SAMD3: variants seen among roughly 807,000 people sequenced by gnomAD.
SAMD3 encodes the protein sterile alpha motif domain-containing protein 3.
Under a neutral mutation model 58.5 loss-of-function variants are expected in SAMD3, and 63 were observed. The ratio of observed to expected loss-of-function variants is 1.08; its 90% CI spans 0.88 to 1.33. The LOEUF (loss-of-function observed/expected upper bound fraction) is 1.33, where lower values mean the gene tolerates loss of function less well. Ranked by LOEUF, SAMD3 falls within the 40% of genes most tolerant of loss-of-function variation. SAMD3 has a pLI of 0.00. For missense variants in SAMD3, 604 were observed against 608.4 expected (o/e 0.99, Z 0.08); for synonymous variants, 220 against 210.3 (o/e 1.05, Z -0.40).
chr6:130,266,446 CA>C (rs754536554), intron 2 of SAMD3, among the ~76,000 whole-genome samples: 4 of 152,124 alleles, frequency 2.6e-5, no homozygotes, highest in Non-Finnish European at 5.9e-5. Flanking sequence ...AAGCCTCAAT[CA>C]TTAGACAATA....
intron 2 of SAMD3, among the ~76,000 whole-genome samples, chr6:130,304,804 T>C (rs1775860919): frequency 6.6e-6 from 1 of 152,148 alleles, no homozygotes; most frequent in Non-Finnish European, 1.5e-5. Flanking sequence ...CGTATCACTC[T>C]ACTTATTTAG....
At chr6:130,214,607 G>T in intron 3 of SAMD3, 81 bp from the exon 4 acceptor site, 1 of 939,652 alleles carries the variant, frequency 1.1e-6, no homozygotes, top group Non-Finnish European at 1.5e-6. Context: ...ATTACCTCTA[G>T]TGATAAAAGG....
intron 1 of SAMD3, among the ~76,000 whole-genome samples, chr6:130,338,129 C>T (rs1777157919): frequency 6.6e-6 from 1 of 152,192 alleles, no homozygotes; most frequent in Non-Finnish European, 1.5e-5. Context: ...ACTTGGTGCC[C>T]TGCGTTCCAG....
intron 2 of SAMD3, among the ~76,000 whole-genome samples, chr6:130,275,939 G>T (rs1479967407): frequency 2.6e-5 from 4 of 152,110 alleles, no homozygotes; most frequent in African/African-American, 9.6e-5. Flanking sequence ...CTAATACCTA[G>T]AATCTATGAA....
At chr6:130,341,316 A>C (rs889374305) in intron 1 of SAMD3, among the ~76,000 whole-genome samples, 1 of 152,202 alleles carries the variant, frequency 6.6e-6, no homozygotes, top group African/African-American at 2.4e-5. Flanking sequence ...AACTTTAATG[A>C]CTTTTAGAAT....
At chr6:130,215,732 G>A in intron 2 of SAMD3, 2 of 1,487,498 alleles carry the variant, frequency 1.3e-6, no homozygotes, top group African/African-American at 1.4e-5. Context: ...AAGGGAGGAA[G>A]GATCAGATAA....
chr6:130,144,278 G>A (rs1327368814), downstream of SAMD3: 5 of 485,426 alleles, frequency 1.0e-5, no homozygotes, highest in Non-Finnish European at 1.8e-5. Flanking sequence ...TAACTTAACT[G>A]CGGAATTTCT....
At chr6:130,251,585 T>A (rs1056441180) in intron 2 of SAMD3, among the ~76,000 whole-genome samples, 8 of 152,184 alleles carry the variant, frequency 5.3e-5, no homozygotes, top group African/African-American at 1.7e-4. Flanking sequence ...AATTTCATTC[T>A]TTAGCATTGG....
Position 130,198,232 on chromosome 6 carries a change from CTCTG to C in SAMD3, c.383+11259_383+11262del, listed in dbSNP as rs1341071002. Among the ~76,000 whole-genome samples, 13 of 152,170 alleles carry C rather than the reference CTCTG, an allele frequency of 8.5e-5. No homozygotes were observed. The East Asian group carries it at 9.6e-4, about 11-fold the overall frequency. On this transcript the variant is annotated intron_variant, in intron 5 of 11. Coordinates refer to ENST00000439090, the MANE Select transcript of SAMD3 (RefSeq NM_001017373.4). ...ACACGGACGCGCATGAAAACAGGGTCTCTGTCTGTTATCCAGGCAGGAGTGAAGT... is the reference window on the plus strand; with the variant it reads ...ACACGGACGCGCATGAAAACAGGGTCTCTGTTATCCAGGCAGGAGTGAAGT...
intron 1 of SAMD3, among the ~76,000 whole-genome samples, chr6:130,343,571 C>A (rs1408484024): frequency 1.3e-5 from 2 of 152,082 alleles, no homozygotes; most frequent in Non-Finnish European, 2.9e-5. Flanking sequence ...AAAGGGTATG[C>A]ATGGGCTGGG....
intron 5 of SAMD3, among the ~76,000 whole-genome samples, chr6:130,206,425 C>T (rs1476114226): frequency 2.0e-5 from 3 of 152,138 alleles, no homozygotes; most frequent in Non-Finnish European, 2.9e-5. Flanking sequence ...AGAGACAACC[C>T]GTGAGAAAAG....
intron 1 of SAMD3, among the ~76,000 whole-genome samples, chr6:130,345,109 T>G (rs1195096512): frequency 2.0e-5 from 3 of 152,168 alleles, no homozygotes; most frequent in Non-Finnish European, 4.4e-5. Flanking sequence ...GCTCAATACT[T>G]AATATGTCTT....
intron 5 of SAMD3, among the ~76,000 whole-genome samples, chr6:130,203,949 A>C (rs531559756): frequency 7.9e-5 from 12 of 152,198 alleles, no homozygotes; most frequent in Non-Finnish European, 7.3e-5. Flanking sequence ...CCTGCAAACA[A>C]CGCATCAAAT....
At chr6:130,211,114 C>T (rs916739208) in intron 4 of SAMD3, among the ~76,000 whole-genome samples, 1 of 151,814 alleles carries the variant, frequency 6.6e-6, no homozygotes, top group Non-Finnish European at 1.5e-5. Context: ...AGCCAGACTC[C>T]ATCTCAAACA....
intron 1 of SAMD3, among the ~76,000 whole-genome samples, chr6:130,354,809 T>C (rs1777778490): frequency 6.6e-6 from 1 of 152,078 alleles, no homozygotes; most frequent in South Asian, 2.1e-4. Flanking sequence ...AAATAAAAGT[T>C]AACAAAAATA....
At chr6:130,289,147 G>A (rs905174262) in intron 2 of SAMD3, among the ~76,000 whole-genome samples, 1 of 152,154 alleles carries the variant, frequency 6.6e-6, no homozygotes, top group Admixed American at 6.5e-5. Flanking sequence ...GAAGGATGTT[G>A]TTGTTGAGGC....
chr6:130,147,207 A>G (rs957045581), intron 9 of SAMD3, among the ~76,000 whole-genome samples: 1 of 152,168 alleles, frequency 6.6e-6, no homozygotes, highest in African/African-American at 2.4e-5. Flanking sequence ...TGCTTTTCCT[A>G]AAACTATAAA....
chr6:130,346,105 C>T (rs1051938701), intron 1 of SAMD3, among the ~76,000 whole-genome samples: 7 of 152,208 alleles, frequency 4.6e-5, no homozygotes, highest in African/African-American at 9.6e-5. Context: ...GCCAAGATGG[C>T]CAAACAGGAA....
chr6:130,165,225 G>A (rs1228793320), intron 8 of SAMD3, among the ~76,000 whole-genome samples: 3 of 152,070 alleles, frequency 2.0e-5, no homozygotes, highest in Non-Finnish European at 4.4e-5. Context: ...AAGAAATTTT[G>A]AAGAAACTAA....
Sources: allele counts gnomAD v4.1 joint callset (sites outside exome capture counted in the v4.1 genomes callset), GRCh38; gene constraint gnomAD v4.1.1; transcripts MANE v1.5; gene names NCBI Gene and HGNC (gene_info 2026-07-23, HGNC 2026-07-21).